CD2AP: variants seen among roughly 807,000 people sequenced by gnomAD.
CD2AP encodes CD2-associated protein.
Under a neutral mutation model 85.1 loss-of-function variants are expected in CD2AP, and 46 were observed. The ratio of observed to expected loss-of-function variants is 0.54; its 90% CI spans 0.43 to 0.69. CD2AP has a LOEUF of 0.69. Among genes scored for constraint, CD2AP ranks in the 30% least tolerant of loss-of-function variants. CD2AP has a pLI of 0.00. For missense variants in CD2AP, 769 were observed against 729.5 expected, an observed-to-expected ratio of 1.05 and a Z score of -0.62; for synonymous variants, 255 against 252.9, an observed-to-expected ratio of 1.01 and a Z score of -0.08.
At chr6:47,562,175 A>G (rs1582561954) in intron 5 of CD2AP, among the ~76,000 whole-genome samples, 2 of 152,258 alleles carry the variant, frequency 1.3e-5, no homozygotes, top group South Asian at 2.1e-4. Flanking sequence ...TATAAAAGCC[A>G]TCTAATATTA....
chr6:47,608,088 C>A, intron 15 of CD2AP, 60 bp downstream of exon 15: 1 of 1,135,870 alleles, frequency 8.8e-7, no homozygotes, highest in Non-Finnish European at 1.3e-6. Context: ...GGACATCAAA[C>A]ATAGGGAATT....
At chr6:47,478,569 G>C (rs1765366061) in intron 1 of CD2AP, among the ~76,000 whole-genome samples, 1 of 152,114 alleles carries the variant, frequency 6.6e-6, no homozygotes, top group Non-Finnish European at 1.5e-5. Context: ...AATCAGACCT[G>C]ACCTTCCTTC....
At chr6:47,497,844 A>T (rs558064620) in intron 1 of CD2AP, among the ~76,000 whole-genome samples, 4 of 152,332 alleles carry the variant, frequency 2.6e-5, no homozygotes, top group Admixed American at 6.5e-5. Context: ...ACAGTTTTAC[A>T]GTTTGTGCCC....
At chr6:47,549,759 C>G (rs938103832) in intron 4 of CD2AP, among the ~76,000 whole-genome samples, 2 of 152,006 alleles carry the variant, frequency 1.3e-5, no homozygotes, top group Non-Finnish European at 2.9e-5. Flanking sequence ...CAAAGCAGGA[C>G]TAAGCAAAAA....
chr6:47,544,795 T>C (rs930032257), intron 4 of CD2AP, 89 bp downstream of exon 4: 3 of 802,956 alleles, frequency 3.7e-6, no homozygotes, highest in Non-Finnish European at 6.5e-6. Context: ...ATTAGTCTTT[T>C]GTGAGAACTG....
At chr6:47,589,397 T>C (rs1013791182) in intron 11 of CD2AP, among the ~76,000 whole-genome samples, 2 of 9,194 alleles carry the variant, frequency 2.2e-4, no homozygotes, top group African/African-American at 4.0e-4. Context: ...CACACACAAA[T>C]GTATATACAC....
intron 2 of CD2AP, among the ~76,000 whole-genome samples, chr6:47,525,418 C>T (rs929589169): frequency 2.6e-5 from 4 of 152,116 alleles, no homozygotes; most frequent in South Asian, 2.1e-4. Flanking sequence ...ACTAGGTAAC[C>T]TGCCTGTTTC....
intron 5 of CD2AP, among the ~76,000 whole-genome samples, chr6:47,571,036 T>C (rs1212991257): frequency 1.3e-5 from 2 of 152,168 alleles, no homozygotes; most frequent in Non-Finnish European, 2.9e-5. Flanking sequence ...TTTTTTTTGT[T>C]TTATGGCCTT....
intron 4 of CD2AP, among the ~76,000 whole-genome samples, chr6:47,553,630 C>T (rs1007884705): frequency 1.0e-4 from 15 of 150,460 alleles, no homozygotes; most frequent in Admixed American, 4.7e-4. Flanking sequence ...CCTTCCAAAG[C>T]GCTGGGATTA....
intron 11 of CD2AP, among the ~76,000 whole-genome samples, chr6:47,594,556 A>G (rs979589471): frequency 3.9e-5 from 6 of 152,052 alleles, no homozygotes; most frequent in Non-Finnish European, 7.4e-5. Context: ...TATGTTATAT[A>G]AAACATCTCT....
chr6:47,540,777 A>C (rs1767194675), intron 3 of CD2AP, among the ~76,000 whole-genome samples: 1 of 152,214 alleles, frequency 6.6e-6, no homozygotes, highest in Non-Finnish European at 1.5e-5. Flanking sequence ...ACCACATTTT[A>C]AAAAAGGTCT....
At chr6:47,576,659 T>C in intron 7 of CD2AP, 57 bp downstream of exon 7, 1 of 1,224,250 alleles carries the variant, frequency 8.2e-7, no homozygotes, top group Non-Finnish European at 1.2e-6. Flanking sequence ...CTCAAATGTA[T>C]TAAGAGACTT....
chr6:47,577,881 T>G (rs1219060132), intron 8 of CD2AP, among the ~76,000 whole-genome samples: 1 of 152,084 alleles, frequency 6.6e-6, no homozygotes, highest in Non-Finnish European at 1.5e-5. Flanking sequence ...CCTGGCCCCA[T>G]TGTTTTACAC....
intron 3 of CD2AP, among the ~76,000 whole-genome samples, chr6:47,542,931 AC>A (rs1017292256): frequency 2.6e-5 from 4 of 152,054 alleles, no homozygotes; most frequent in Non-Finnish European, 5.9e-5. Context: ...CAGGTGGATC[AC>A]CTGAGGTCAG....
At chr6:47,521,178 A>T (rs557137717) in intron 2 of CD2AP, among the ~76,000 whole-genome samples, 1 of 152,328 alleles carries the variant, frequency 6.6e-6, no homozygotes, top group South Asian at 2.1e-4. Flanking sequence ...GCACATCCAT[A>T]ACAGTTGCTT....
chr6:47,544,571 C>G, intron 3 of CD2AP, 35 bp from the exon 4 acceptor site: 1 of 1,299,512 alleles, frequency 7.7e-7, no homozygotes, highest in Non-Finnish European at 1.1e-6. Flanking sequence ...AATGATCATT[C>G]TTAATCTAAT....
intron 16 of CD2AP, among the ~76,000 whole-genome samples, chr6:47,610,112 A>G (rs112604203): frequency 0.016 from 2,376 of 152,220 alleles, 44 homozygotes; most frequent in African/African-American, 0.038. Flanking sequence ...TTTAGAGCTA[A>G]AACAAATTTA....
rs1048681881 is a variant in CD2AP at position 47,487,429 on chromosome 6, G to A, written c.4+9181G>A. Among the ~76,000 whole-genome samples the A allele has an allele frequency of 2.0e-5, 3 of 152,128 alleles. No homozygotes were observed. In the South Asian group the frequency reaches 6.2e-4, roughly 32 times the overall value. ...TTCTTGGCCAGGCGCGGTGGCTCAC[G>A]CCTGTAATCCCAGCACTTTGGGAGG... On this transcript the variant is annotated intron_variant, in intron 1 of 17. Transcript: ENST00000359314.
chr6:47,528,192 T>A (rs781103349), intron 2 of CD2AP, among the ~76,000 whole-genome samples: 1 of 152,228 alleles, frequency 6.6e-6, no homozygotes, highest in Admixed American at 6.5e-5. Flanking sequence ...TTTTGGGGGA[T>A]GAGACAGAGT....
Sources: gnomAD v4.1 joint callset for allele counts (sites outside exome capture counted in the v4.1 genomes callset) on GRCh38, gnomAD v4.1.1 for gene constraint, MANE v1.5 for transcripts, NCBI Gene and HGNC (gene_info 2026-07-23, HGNC 2026-07-21) for gene names.